Variants in SYK observed in about 807,000 individuals in gnomAD.
SYK encodes tyrosine-protein kinase SYK.
A neutral mutation model predicts 77.8 loss-of-function variants in SYK; 16 were observed. That is an observed-to-expected ratio of 0.21 (90% CI 0.14 to 0.31). SYK has a LOEUF of 0.31. SYK is among the 10% of genes least tolerant of loss of function. SYK has a pLI of 1.00. For missense variants in SYK, 529 were observed against 814.4 expected, an observed-to-expected ratio of 0.65 and a Z score of 4.26; for synonymous variants, 312 against 308.7, an observed-to-expected ratio of 1.01 and a Z score of -0.11.
rs905855843 is a variant in SYK, at chr9:90,801,825, G to C, written c.-110G>C. 10 of 152,334 alleles carry C rather than the reference G, an allele frequency of 6.6e-5. No homozygotes were observed. Among genetic ancestry groups the C allele is most frequent in the African/African-American group, 2.2e-4 (9 of 41,448 alleles). 9.4% of individuals were successfully genotyped at this position (152,334 alleles called of 1,614,324 possible). A position where few individuals can be genotyped will look rare whatever the true frequency, so the allele number is the denominator to read the frequency against. On this transcript the variant is annotated 5_prime_UTR_variant, in exon 1 of 14. Coordinates refer to ENST00000375754, the MANE Select transcript of SYK (RefSeq NM_003177.7). The stretch of plus-strand genomic sequence containing the variant: ...GGGCCCGGCGGCTGAGGCCACCCCG[G>C]CGGCGGCTGGAGAGCGAGGAGGAGC...
At chr9:90,824,940 T>C (rs1825622068) in intron 1 of SYK, among the ~76,000 whole-genome samples, 1 of 152,028 alleles carries the variant, frequency 6.6e-6, no homozygotes, top group Non-Finnish European at 1.5e-5. Context: ...TTTTCACAGA[T>C]AATATGCATG....
At chr9:90,845,357 A>T in intron 2 of SYK, 77 bp from the exon 3 acceptor site, 2 of 1,492,344 alleles carry the variant, frequency 1.3e-6, no homozygotes, top group Non-Finnish European at 1.8e-6. Context: ...AGGACTCGAG[A>T]TAGATTGGAA....
chr9:90,828,903 G>A (rs945253520), intron 1 of SYK, among the ~76,000 whole-genome samples: 29 of 152,136 alleles, frequency 1.9e-4, no homozygotes, highest in East Asian at 3.9e-4. Flanking sequence ...CACACTGAAC[G>A]TGGTCAACTT....
rs1456188114 is a variant in SYK at position 90,884,449 on chromosome 9, A to G, written c.1582-3300A>G. ...TACACATATGTGTGTACATATACAT[A>G]CACATACACATATGTGTGTACATAT... On this transcript the variant is annotated intron_variant, in intron 11 of 13. Transcript: ENST00000375754. Among the ~76,000 whole-genome samples the G allele has an allele frequency of 4.8e-5, 4 of 82,742 alleles. 2 individuals are homozygous for G. Among genetic ancestry groups the G allele is most frequent in the Non-Finnish European group, 1.0e-4 (4 of 39,628 alleles). The allele number at this position is 82,742 out of a possible 152,430, so 54.3% of individuals were successfully genotyped here.
chr9:90,891,784 G>T (rs989811079), intron 13 of SYK, among the ~76,000 whole-genome samples: 1 of 152,100 alleles, frequency 6.6e-6, no homozygotes, highest in Admixed American at 6.5e-5. Context: ...ACTCAGAAGC[G>T]CCAAGGGCTG....
At chr9:90,866,691 G>GA (rs982531268) in intron 6 of SYK, among the ~76,000 whole-genome samples, 2 of 151,518 alleles carry the variant, frequency 1.3e-5, no homozygotes, top group East Asian at 1.9e-4. Context: ...ATACATACGG[G>GA]AAAAAAAAGG....
At position 90,896,030 on chromosome 9, in the gene SYK, C is replaced by T. The variant is rs1828969999; in HGVS notation, c.*430C>T. 2 of 239,388 alleles carry T rather than the reference C, an allele frequency of 8.4e-6. No individual in the cohort carries two copies. Among genetic ancestry groups the T allele is most frequent in the African/African-American group, 4.4e-5 (2 of 45,766 alleles). The allele number at this position is 239,388 out of a possible 1,614,324, so 14.8% of individuals were successfully genotyped here. On this transcript the variant is annotated 3_prime_UTR_variant, in exon 14 of 14. Coordinates refer to ENST00000375754, the MANE Select transcript of SYK (RefSeq NM_003177.7). ...TGCCCAAGGATGCCTTAGCATGTGA[C>T]TCCTGAAGGGAAGGCAAAGGCAGAG... is the stretch of plus-strand genomic sequence containing the variant.
At chr9:90,856,362 T>A (rs1827036519) in intron 3 of SYK, among the ~76,000 whole-genome samples, 1 of 152,234 alleles carries the variant, frequency 6.6e-6, no homozygotes, top group African/African-American at 2.4e-5. Flanking sequence ...CTCTCTGTTG[T>A]TCTTGCCCAT....
intron 1 of SYK, among the ~76,000 whole-genome samples, chr9:90,841,132 G>A (rs1446680172): frequency 1.3e-5 from 2 of 151,454 alleles, no homozygotes; most frequent in Non-Finnish European, 2.9e-5. Flanking sequence ...TGTGTGTGAT[G>A]TGTGTAGTGT....
intron 4 of SYK, among the ~76,000 whole-genome samples, chr9:90,863,191 C>T (rs143293510): frequency 6.6e-5 from 10 of 152,178 alleles, no homozygotes; most frequent in Non-Finnish European, 1.0e-4. Context: ...AACAGTACTT[C>T]GTGCATCATC....
Position 90,896,132 on chromosome 9 carries a change from G to A in SYK, c.*532G>A. 4.3e-6 allele frequency: 1 copy of A among 232,986 alleles called. No individual in the cohort carries two copies. Among genetic ancestry groups the A allele is most frequent in the Non-Finnish European group, 8.5e-6 (1 of 118,086 alleles). The allele number at this position is 232,986 out of a possible 1,614,324, so 14.4% of individuals were successfully genotyped here. On this transcript the variant is annotated 3_prime_UTR_variant, in exon 14 of 14. Coordinates refer to ENST00000375754, the MANE Select transcript of SYK (RefSeq NM_003177.7). Reference sequence around the variant, plus strand: ...TTTCCTGACAATAAAAATGTTTTGAGGCTTTAAAAAGAAAATCAAGTTTGA... The same window carrying A: ...TTTCCTGACAATAAAAATGTTTTGAAGCTTTAAAAAGAAAATCAAGTTTGA...
intron 7 of SYK, among the ~76,000 whole-genome samples, chr9:90,871,430 T>C (rs1427855929): frequency 6.6e-6 from 1 of 152,266 alleles, no homozygotes; most frequent in Non-Finnish European, 1.5e-5. Context: ...TTATTAAAAT[T>C]AAATGTCATT....
At chr9:90,840,834 ACC>A (rs927972079) in intron 1 of SYK, among the ~76,000 whole-genome samples, 7 of 152,154 alleles carry the variant, frequency 4.6e-5, no homozygotes, top group Admixed American at 2.6e-4. Context: ...TTATAATAAA[ACC>A]CATGCCTCAT....
intron 3 of SYK, among the ~76,000 whole-genome samples, chr9:90,848,916 A>G (rs528958430): frequency 6.6e-6 from 1 of 152,340 alleles, no homozygotes; most frequent in South Asian, 2.1e-4. Context: ...GAGGGAGGCC[A>G]TTGAGAAGAG....
intron 1 of SYK, among the ~76,000 whole-genome samples, chr9:90,833,340 T>A (rs1825962035): frequency 6.6e-6 from 1 of 152,240 alleles, no homozygotes; most frequent in Non-Finnish European, 1.5e-5. Context: ...AATGTAAACG[T>A]ACTTACACTA....
intron 11 of SYK, among the ~76,000 whole-genome samples, chr9:90,886,885 CATGG>C (rs1828598184): frequency 6.6e-6 from 1 of 152,018 alleles, no homozygotes; most frequent in African/African-American, 2.4e-5. Context: ...CCTAACTGTC[CATGG>C]ATGGATGAAT....
At chr9:90,811,923 C>T (rs866407205) in intron 1 of SYK, among the ~76,000 whole-genome samples, 6 of 56,556 alleles carry the variant, frequency 1.1e-4, no homozygotes, top group Middle Eastern at 7.5e-3. Context: ...AAGACCCTGT[C>T]TCAAAAATAA....
Position 90,897,167 on chromosome 9 carries a change from C to A in SYK, c.*1567C>A. On this transcript the variant is annotated 3_prime_UTR_variant, in exon 14 of 14. Coordinates refer to ENST00000375754, the MANE Select transcript of SYK (RefSeq NM_003177.7). ...TGCATGGACAGCCATGGACAGCAGG[C>A]CCTCCTCTAACAGGGGATGCAAGGC... 4.3e-6 allele frequency: 1 copy of A among 231,368 alleles called. No homozygotes were observed. The highest frequency in any genetic ancestry group is 8.6e-6 in the Non-Finnish European group (1 of 116,842). 14.3% of individuals were successfully genotyped at this position (231,368 alleles called of 1,614,324 possible). A position where few individuals can be genotyped will look rare whatever the true frequency, so the allele number is the denominator to read the frequency against.
At chr9:90,830,516 A>G (rs1825842677) in intron 1 of SYK, among the ~76,000 whole-genome samples, 1 of 151,248 alleles carries the variant, frequency 6.6e-6, no homozygotes, top group Non-Finnish European at 1.5e-5. Flanking sequence ...ATTTCTCTGT[A>G]ATTAATCAGC....
Sources: gnomAD v4.1 joint callset for allele counts (sites outside exome capture counted in the v4.1 genomes callset) on GRCh38, gnomAD v4.1.1 for gene constraint, MANE v1.5 for transcripts, NCBI Gene and HGNC (gene_info 2026-07-23, HGNC 2026-07-21) for gene names.